Variants in FUT8 observed in about 807,000 individuals in gnomAD.
FUT8 encodes the protein alpha-(1,6)-fucosyltransferase.
In FUT8, 29 loss-of-function variants were observed where a neutral mutation model predicts 71.3. That is an observed-to-expected ratio of 0.41 (90% CI 0.30 to 0.55). The LOEUF is 0.55. Among genes scored for constraint, FUT8 ranks in the 20% least tolerant of loss-of-function variants. The pLI, the probability that FUT8 is intolerant of heterozygous loss-of-function variation, is 0.34. For missense variants in FUT8, 544 were observed against 702.1 expected (o/e 0.77, Z 2.55); for synonymous variants, 254 against 239.3 (o/e 1.06, Z -0.57).
intron 1 of FUT8, among the ~76,000 whole-genome samples, chr14:65,428,998 G>T (rs568179642): frequency 6.6e-6 from 1 of 152,268 alleles, no homozygotes; most frequent in African/African-American, 2.4e-5. Flanking sequence ...GTAACATTCA[G>T]GTTATAAACT....
intron 2 of FUT8, among the ~76,000 whole-genome samples, chr14:65,518,452 A>G (rs1034437791): frequency 6.6e-6 from 1 of 152,270 alleles, no homozygotes; most frequent in African/African-American, 2.4e-5. Flanking sequence ...CCTACAGCCT[A>G]TGAATGTGAT....
At chr14:65,566,545 C>A (rs936307196) in intron 3 of FUT8, among the ~76,000 whole-genome samples, 1 of 151,966 alleles carries the variant, frequency 6.6e-6, no homozygotes, top group Non-Finnish European at 1.5e-5. Flanking sequence ...AGGAATGACA[C>A]AGTGAAAATG....
intron 5 of FUT8, among the ~76,000 whole-genome samples, chr14:65,624,686 A>C (rs1188839067): frequency 1.3e-5 from 2 of 152,244 alleles, no homozygotes; most frequent in African/African-American, 4.8e-5. Context: ...CGTAAAACTG[A>C]GAGCATATTG....
the FUT8 span, among the ~76,000 whole-genome samples, chr14:65,371,940 A>G: frequency 6.6e-6 from 1 of 152,170 alleles, no homozygotes; most frequent in South Asian, 2.1e-4. Context: ...ATACATTTAC[A>G]TCTCTAGTTT....
At chr14:65,741,119 A>G (rs1896476089) in intron 10 of FUT8, among the ~76,000 whole-genome samples, 3 of 151,936 alleles carry the variant, frequency 2.0e-5, no homozygotes, top group Admixed American at 1.3e-4. Flanking sequence ...GTGATAGTTT[A>G]GTTTAACTTT....
intron 2 of FUT8, among the ~76,000 whole-genome samples, chr14:65,477,260 CAG>C (rs1361727415): frequency 2.0e-5 from 3 of 152,156 alleles, no homozygotes; most frequent in Non-Finnish European, 2.9e-5. Context: ...ATAAAAAATG[CAG>C]AGTCTTTAGC....
At chr14:65,389,023 A>G in the FUT8 span, among the ~76,000 whole-genome samples, 5 of 150,918 alleles carry the variant, frequency 3.3e-5, no homozygotes, top group Non-Finnish European at 1.5e-5. Flanking sequence ...TATATTTGAG[A>G]CAGGGGCTTA....
intron 6 of FUT8, among the ~76,000 whole-genome samples, chr14:65,640,734 T>C (rs1890785367): frequency 6.6e-6 from 1 of 151,970 alleles, no homozygotes; most frequent in Non-Finnish European, 1.5e-5. Flanking sequence ...ATTATCAATG[T>C]AACACTAAGA....
In FUT8 at chr14:65,467,053, TA is replaced by T. The variant is rs1179888319; in HGVS notation, c.-228+11336del. ...AAAACAAAAGATTTAGTTTTACCTTTATTTTTTTCCTCTACACTCTTCCTTT... is the reference window on the plus strand; with the variant it reads ...AAAACAAAAGATTTAGTTTTACCTTTTTTTTTTCCTCTACACTCTTCCTTT... On this transcript the variant is annotated intron_variant, in intron 2 of 10. Coordinates refer to ENST00000673929, the MANE Select transcript of FUT8 (RefSeq NM_001371533.1). This position sits in a 1 kb window ranked among gnomAD's most constrained non-coding sequence, Gnocchi z 4.1. Among the ~76,000 whole-genome samples the T allele has an allele frequency of 6.6e-6, 1 of 152,188 alleles. No individual in the cohort carries two copies. Among genetic ancestry groups the T allele is most frequent in the African/African-American group, 2.4e-5 (1 of 41,452 alleles).
At chr14:65,427,010 T>TA (rs2139412591) in intron 1 of FUT8, among the ~76,000 whole-genome samples, 1 of 152,028 alleles carries the variant, frequency 6.6e-6, no homozygotes, top group South Asian at 2.1e-4. Flanking sequence ...AGGTGCCCGC[T>TA]ACCATGCCCG....
At chr14:65,519,499 G>A (rs891038902) in intron 2 of FUT8, among the ~76,000 whole-genome samples, 8 of 152,094 alleles carry the variant, frequency 5.3e-5, no homozygotes, top group African/African-American at 1.9e-4. Flanking sequence ...TAAGTTTTTC[G>A]CTGATCTTTG....
intron 2 of FUT8, among the ~76,000 whole-genome samples, chr14:65,463,731 C>G (rs1429521622): frequency 6.6e-6 from 1 of 152,082 alleles, no homozygotes; most frequent in Non-Finnish European, 1.5e-5. Flanking sequence ...AAACTCTGTT[C>G]CTTGTACTTT....
intron 2 of FUT8, among the ~76,000 whole-genome samples, chr14:65,492,408 T>C (rs1261441354): frequency 6.6e-6 from 1 of 152,222 alleles, no homozygotes; most frequent in Non-Finnish European, 1.5e-5. Context: ...TGTAGTCAAC[T>C]GTTCAAACTG....
In FUT8 at chr14:65,461,203, T is replaced by C. The variant is rs553467908; in HGVS notation, c.-228+5485T>C. Among the ~76,000 whole-genome samples, 5 of 152,302 alleles carry C rather than the reference T, an allele frequency of 3.3e-5. No individual in the cohort carries two copies. In the South Asian group the frequency reaches 1.0e-3, roughly 32 times the overall value. ...GCTTATGGTGGATGCCAGAAATCCTTGGTATTTCTTGACTTTTGGTAGCAT... is the reference window on the plus strand; with the variant it reads ...GCTTATGGTGGATGCCAGAAATCCTCGGTATTTCTTGACTTTTGGTAGCAT... On this transcript the variant is annotated intron_variant, in intron 2 of 10. Transcript: ENST00000673929.
At chr14:65,517,843 T>A (rs886098209) in intron 2 of FUT8, among the ~76,000 whole-genome samples, 1 of 152,196 alleles carries the variant, frequency 6.6e-6, no homozygotes, top group Non-Finnish European at 1.5e-5. Flanking sequence ...GAACTACATA[T>A]ATGTTTCAAG....
At chr14:65,718,232 A>G (rs181796287) in intron 7 of FUT8, among the ~76,000 whole-genome samples, 204 of 150,930 alleles carry the variant, frequency 1.4e-3, no homozygotes, top group Non-Finnish European at 2.0e-3. Flanking sequence ...TTGTGTATTC[A>G]TTGTATGTTT....
At chr14:65,596,375 G>A (rs1887979753) in intron 3 of FUT8, among the ~76,000 whole-genome samples, 1 of 152,148 alleles carries the variant, frequency 6.6e-6, no homozygotes, top group Admixed American at 6.5e-5. Flanking sequence ...TTTGACAGCA[G>A]CAATATTCAC....
chr14:65,579,111 A>G (rs1361106896), intron 3 of FUT8, among the ~76,000 whole-genome samples: 1 of 152,062 alleles, frequency 6.6e-6, no homozygotes, highest in Admixed American at 6.5e-5. Flanking sequence ...AATATTATCT[A>G]TTTTACCATT....
In FUT8 at chr14:65,669,045, G is replaced by C. The variant is rs1021139388; in HGVS notation, c.598-198G>C. 6.6e-6 allele frequency among the ~76,000 whole-genome samples: 1 copy of C among 152,000 alleles called. No homozygotes were observed. Among genetic ancestry groups the C allele is most frequent in the Non-Finnish European group, 1.5e-5 (1 of 67,988 alleles). On this transcript the variant is annotated intron_variant, in intron 6 of 10. Transcript: ENST00000673929. This position sits in a 1 kb window ranked among gnomAD's most constrained non-coding sequence, Gnocchi z 4.5. Reference sequence around the variant, plus strand: ...GCCTACTTGAGGGTGAAAGGTGGGAGGAGGGTGAAGATCAAAAAGCTGCAT... The same window carrying C: ...GCCTACTTGAGGGTGAAAGGTGGGACGAGGGTGAAGATCAAAAAGCTGCAT...
Sources: allele counts gnomAD v4.1 joint callset (sites outside exome capture counted in the v4.1 genomes callset), GRCh38; gene constraint gnomAD v4.1.1; non-coding constraint Gnocchi (gnomAD v3.1); transcripts MANE v1.5; gene names NCBI Gene and HGNC (gene_info 2026-07-23, HGNC 2026-07-21).